The following FGFR2 variants were observed in gnomAD, a reference collection of about 807,000 sequenced individuals.
FGFR2 encodes BEK fibroblast growth factor receptor.
Under a neutral mutation model 95.9 loss-of-function variants are expected in FGFR2, and 19 were observed. The ratio of observed to expected loss-of-function variants is 0.20; its 90% CI spans 0.14 to 0.29. FGFR2 has a LOEUF of 0.29. FGFR2 is among the 10% of genes least tolerant of loss of function. FGFR2 has a pLI of 1.00. For missense variants in FGFR2, 707 were observed against 1,056.9 expected (o/e 0.67, Z 4.59); for synonymous variants, 392 against 393.3 (o/e 1.00, Z 0.04).
chr10:121,524,428 A>C (rs1167101566), intron 6 of FGFR2, among the ~76,000 whole-genome samples: 1 of 152,196 alleles, frequency 6.6e-6, no homozygotes, highest in Non-Finnish European at 1.5e-5. Context: ...GTTTTTAAAA[A>C]GTCAGTAGGT....
At chr10:121,545,714 A>C (rs1854402060) in intron 5 of FGFR2, among the ~76,000 whole-genome samples, 1 of 152,264 alleles carries the variant, frequency 6.6e-6, no homozygotes, top group African/African-American at 2.4e-5. Context: ...CATTTCATCA[A>C]AAAGTCTTTA....
At chr10:121,506,734 G>A (rs1848343878) in intron 9 of FGFR2, among the ~76,000 whole-genome samples, 1 of 152,170 alleles carries the variant, frequency 6.6e-6, no homozygotes, top group Non-Finnish European at 1.5e-5. Flanking sequence ...AACGTTTCTG[G>A]AAGGATATAT....
intron 6 of FGFR2, among the ~76,000 whole-genome samples, chr10:121,532,166 C>A (rs557634330): frequency 6.6e-6 from 1 of 152,282 alleles, no homozygotes; most frequent in East Asian, 1.9e-4. Flanking sequence ...ATCAAATGAG[C>A]CCTGGCCAGG....
At chr10:121,516,229 TA>T (rs1488320702) in intron 8 of FGFR2, among the ~76,000 whole-genome samples, 1 of 152,186 alleles carries the variant, frequency 6.6e-6, no homozygotes, top group African/African-American at 2.4e-5. Context: ...GCAAACTGGT[TA>T]AGAAGTGCCA....
intron 13 of FGFR2, among the ~76,000 whole-genome samples, chr10:121,493,817 G>T (rs1027512588): frequency 1.3e-5 from 2 of 151,952 alleles, no homozygotes; most frequent in Non-Finnish European, 2.9e-5. Flanking sequence ...GACGAGCTCG[G>T]ATTTTCCACC....
chr10:121,501,096 G>A (rs950453878), intron 10 of FGFR2, 149 bp from the exon 11 acceptor site: 30 of 1,066,228 alleles, frequency 2.8e-5, no homozygotes, highest in African/African-American at 1.9e-4. Flanking sequence ...GGGTACACAC[G>A]CGCCTGAGTA....
chr10:121,596,254 T>C (rs1338578468), intron 1 of FGFR2, among the ~76,000 whole-genome samples: 1 of 152,170 alleles, frequency 6.6e-6, no homozygotes, highest in African/African-American at 2.4e-5. Context: ...CCGGTCCATT[T>C]TCACCTCGGC....
intron 2 of FGFR2, among the ~76,000 whole-genome samples, chr10:121,570,245 G>C (rs959708314): frequency 5.9e-5 from 9 of 152,234 alleles, no homozygotes; most frequent in African/African-American, 2.2e-4. Flanking sequence ...TTCTGGGTTT[G>C]AATGCTGCAG....
At chr10:121,495,520 A>G (rs1846679418) in intron 13 of FGFR2, among the ~76,000 whole-genome samples, 1 of 151,988 alleles carries the variant, frequency 6.6e-6, no homozygotes, top group African/African-American at 2.4e-5. Flanking sequence ...AGAAAGAAAA[A>G]ACCATCCAGA....
At chr10:121,533,005 T>C (rs1852299686) in intron 6 of FGFR2, among the ~76,000 whole-genome samples, 1 of 152,200 alleles carries the variant, frequency 6.6e-6, no homozygotes, top group Non-Finnish European at 1.5e-5. Context: ...ATGCGGCCTC[T>C]GATGGGCCCC....
chr10:121,509,564 A>G (rs925657404), intron 9 of FGFR2, among the ~76,000 whole-genome samples: 1 of 127,382 alleles, frequency 7.9e-6, no homozygotes, highest in Admixed American at 1.0e-4. Context: ...GCTCACTGCA[A>G]CCCCCGCCTA....
intron 6 of FGFR2, chr10:121,527,757 C>G (rs1174943928): frequency 6.6e-6 from 1 of 152,182 alleles, no homozygotes; most frequent in Non-Finnish European, 1.5e-5. Flanking sequence ...ACACACTAGG[C>G]AGGAGGTCCC....
At chr10:121,492,921 G>A (rs1437496738) in intron 13 of FGFR2, among the ~76,000 whole-genome samples, 1 of 152,152 alleles carries the variant, frequency 6.6e-6, no homozygotes, top group Non-Finnish European at 1.5e-5. Flanking sequence ...CATTGGTCTT[G>A]CCTCAGTTTA....
At chr10:121,489,593 C>G (rs1025652533) in intron 13 of FGFR2, among the ~76,000 whole-genome samples, 13 of 152,126 alleles carry the variant, frequency 8.5e-5, no homozygotes, top group African/African-American at 3.1e-4. Flanking sequence ...CTCCTGAGAC[C>G]CATGTTCTCA....
intron 13 of FGFR2, among the ~76,000 whole-genome samples, chr10:121,490,912 A>G (rs1453208604): frequency 6.6e-6 from 1 of 152,210 alleles, no homozygotes; most frequent in African/African-American, 2.4e-5. Context: ...ATCCCTGGCC[A>G]GGTTGGAAGC....
At position 121,592,763 on chromosome 10, in the gene FGFR2, G is replaced by A. The variant is rs536930205; in HGVS notation, c.109+946C>T. On this transcript the variant is annotated intron_variant, in intron 2 of 17. Coordinates refer to ENST00000358487, the MANE Select transcript of FGFR2 (RefSeq NM_000141.5). Reference sequence around the variant, plus strand: ...TACCCCAGACACCACTCGGACTGCTGCGGGTTCCTAAAGCCAGGCAGGCAC... The same window carrying A: ...TACCCCAGACACCACTCGGACTGCTACGGGTTCCTAAAGCCAGGCAGGCAC... Among the ~76,000 whole-genome samples the A allele has an allele frequency of 3.9e-5, 6 of 152,294 alleles. No homozygotes were observed. In the East Asian group the frequency reaches 1.2e-3, roughly 29 times the overall value.
Position 121,538,629 on chromosome 10 carries a change from G to A in FGFR2, c.711C>T (p.Tyr237=), listed in dbSNP as rs769311722. 3.7e-5 allele frequency: 59 copies of A among 1,614,024 alleles called. No homozygotes were observed. The highest frequency in any genetic ancestry group is 1.6e-4 in the South Asian group (15 of 91,088). The change falls in exon 6 of 18, where the codon TAC becomes TAT. Residue 237 remains tyrosine (Y), a synonymous_variant. Transcript: ENST00000358487. ...GNYTCVVENE[Y]GSINHTYHLD... ...GGTGGTACGTGTGATTGATGGACCC[G>A]TATTCATTCTCCACTACACAGGTAT...
At chr10:121,566,132 TTTA>T (rs1280611881) in intron 2 of FGFR2, among the ~76,000 whole-genome samples, 1 of 152,226 alleles carries the variant, frequency 6.6e-6, no homozygotes, top group East Asian at 1.9e-4. Flanking sequence ...ACATACACTC[TTTA>T]TTATTTGTGC....
intron 9 of FGFR2, among the ~76,000 whole-genome samples, chr10:121,509,466 G>A (rs1206040914): frequency 1.1e-5 from 1 of 88,090 alleles, no homozygotes; most frequent in Admixed American, 1.1e-4. Context: ...AAGAAACAGT[G>A]TTATCTGTTT....
Sources: gnomAD v4.1 joint callset for allele counts (sites outside exome capture counted in the v4.1 genomes callset) on GRCh38, gnomAD v4.1.1 for gene constraint, MANE v1.5 for transcripts, NCBI Gene and HGNC (gene_info 2026-07-23, HGNC 2026-07-21) for gene names.